Variants in ABCA1 observed in about 807,000 individuals in gnomAD.
ABCA1 encodes ATP binding cassette subfamily A member 1, also known as phospholipid-transporting ATPase ABCA1.
A neutral mutation model predicts 262.5 loss-of-function variants in ABCA1; 133 were observed. The observed-to-expected ratio is 0.51, with a 90% CI of 0.44 to 0.59. The LOEUF is 0.59. ABCA1 is among the 20% of genes least tolerant of loss of function. ABCA1 has a pLI of 0.00. For missense variants in ABCA1, 2,452 were observed against 2,777.5 expected (o/e 0.88, Z 2.63); for synonymous variants, 1,022 against 1,043.5 (o/e 0.98, Z 0.40).
intron 37 of ABCA1, 142 bp downstream of exon 37, chr9:104,798,279 C>CAA (rs2118883910): frequency 1.0e-6 from 1 of 986,040 alleles, no homozygotes; most frequent in Admixed American, 2.0e-5. Context: ...AAGTGATCAC[C>CAA]TGCCTCTGGC....
intron 29 of ABCA1, among the ~76,000 whole-genome samples, chr9:104,809,991 C>T (rs1831127880): frequency 6.6e-6 from 1 of 151,448 alleles, no homozygotes; most frequent in Non-Finnish European, 1.5e-5. Context: ...CTAGAAAGCA[C>T]AAAAATAACA....
At chr9:104,922,302 T>C (rs1240708753) in intron 1 of ABCA1, among the ~76,000 whole-genome samples, 1 of 152,184 alleles carries the variant, frequency 6.6e-6, no homozygotes, top group East Asian at 1.9e-4. Context: ...GGCAACTATT[T>C]TCAGGTGAAG....
At chr9:104,909,654 A>ACACACACACATACACG (rs770801372) in intron 1 of ABCA1, among the ~76,000 whole-genome samples, 43 of 146,618 alleles carry the variant, frequency 2.9e-4, no homozygotes, top group African/African-American at 1.1e-3. Context: ...ACACACACAC[A>ACACACACACATACACG]TTCACAGGAA....
chr9:104,842,805 C>T (rs1834501182), intron 8 of ABCA1, among the ~76,000 whole-genome samples: 1 of 152,146 alleles, frequency 6.6e-6, no homozygotes, highest in African/African-American at 2.4e-5. Context: ...CTCTAGATCA[C>T]ATCATGTCCC....
intron 2 of ABCA1, among the ~76,000 whole-genome samples, chr9:104,901,127 C>T (rs1302450427): frequency 6.6e-6 from 1 of 152,208 alleles, no homozygotes; most frequent in Non-Finnish European, 1.5e-5. Context: ...AGGATTCCTT[C>T]CCTGGCTAAG....
intron 20 of ABCA1, among the ~76,000 whole-genome samples, chr9:104,820,699 T>C (rs751509970): frequency 2.0e-5 from 3 of 152,116 alleles, no homozygotes; most frequent in Non-Finnish European, 2.9e-5. Context: ...AGGTCCATCA[T>C]ACCAGGGCCC....
chr9:104,921,981 C>T (rs984797155), intron 1 of ABCA1, among the ~76,000 whole-genome samples: 1 of 151,904 alleles, frequency 6.6e-6, no homozygotes, highest in East Asian at 1.9e-4. Context: ...AGGAGTGGAT[C>T]CAGAAGAGCT....
chr9:104,830,906 TG>T lies in ABCA1; in HGVS notation c.1892+18del, dbSNP rs1057185134. On this transcript the variant is annotated intron_variant, in intron 14 of 49. Transcript: ENST00000374736. ...CACAGTATAAACTGGTTAAAAACAG[TG>T]GCTTGCAGGTAACTTACATGTCATC... 6.2e-7 allele frequency: 1 copy of T among 1,613,232 alleles called. No individual in the cohort carries two copies. The highest frequency in any genetic ancestry group is 1.7e-5 in the Admixed American group (1 of 59,964).
At chr9:104,826,192 C>T (rs1832794626) in intron 16 of ABCA1, among the ~76,000 whole-genome samples, 1 of 152,176 alleles carries the variant, frequency 6.6e-6, no homozygotes, top group African/African-American at 2.4e-5. Context: ...ATCCTGTTCC[C>T]CCACACACAT....
intron 28 of ABCA1, among the ~76,000 whole-genome samples, chr9:104,812,328 T>G (rs551983259): frequency 9.4e-4 from 143 of 152,344 alleles, no homozygotes; most frequent in African/African-American, 3.3e-3. Context: ...TCATTTTTAT[T>G]TTCGTAACAA....
Position 104,810,901 on chromosome 9 carries a change from G to A in ABCA1, c.4074C>T (p.Val1358=), listed in dbSNP as rs1307525254. 3.7e-6 allele frequency: 6 copies of A among 1,614,210 alleles called. No homozygotes were observed. Among genetic ancestry groups the A allele is most frequent in the Middle Eastern group, 1.6e-4 (1 of 6,062 alleles). ...TCAGGCTGAACACAAGGGCAATGCA[G>A]ACAAACACAGCTGGCAAGACAATCT... is the stretch of plus-strand genomic sequence containing the variant. ...FAQIVLPAVF[V]CIALVFSLIV... Residue 1358 remains valine, a synonymous_variant, in exon 29 of 50, where the codon GTC becomes GTT. Transcript: ENST00000374736.
chr9:104,910,459 A>G (rs565538222), intron 1 of ABCA1, among the ~76,000 whole-genome samples: 62 of 152,312 alleles, frequency 4.1e-4, no homozygotes, highest in African/African-American at 1.4e-3. Flanking sequence ...GTTGTTCTGA[A>G]TGCATTTCTC....
rs552804640 is a variant in ABCA1, at chr9:104,858,428, T to C, written c.720+94A>G. The C allele has an allele frequency of 1.1e-5, 15 of 1,361,086 alleles. No individual in the cohort carries two copies. In the African/African-American group the frequency reaches 1.9e-4, roughly 17 times the overall value. The allele number at this position is 1,361,086 out of a possible 1,614,324, so 84.3% of individuals were successfully genotyped here. ...ATCACAAACTCCCAGCCAGCCGTAC[T>C]TTTCTACAAAACAAAGTCATGCTGT... On this transcript the variant is annotated intron_variant, in intron 7 of 49. Transcript: ENST00000374736.
intron 30 of ABCA1, 111 bp from the exon 31 acceptor site, chr9:104,806,541 C>T (rs375014389): frequency 2.1e-4 from 223 of 1,066,534 alleles, no homozygotes; most frequent in Middle Eastern, 2.1e-4. Context: ...TCTATTCCCT[C>T]ACCATTTGGA....
chr9:104,882,905 A>G (rs1199209625), intron 5 of ABCA1, 134 bp downstream of exon 5: 8 of 929,696 alleles, frequency 8.6e-6, no homozygotes, highest in Non-Finnish European at 1.4e-5. Context: ...GGGGCCCCAC[A>G]GGCCAGCCAC....
intron 10 of ABCA1, 35 bp from the exon 11 acceptor site, chr9:104,837,131 A>G: frequency 6.5e-7 from 1 of 1,529,270 alleles, no homozygotes. Context: ...ACCGCAGAAA[A>G]AGGAGGAGAA....
At chr9:104,813,934 T>A (rs1012364155) in intron 27 of ABCA1, among the ~76,000 whole-genome samples, 184 bp downstream of exon 27, 3 of 152,262 alleles carry the variant, frequency 2.0e-5, no homozygotes, top group Non-Finnish European at 4.4e-5. Context: ...ATAGGCTCTT[T>A]CAGGTTTGAT....
At chr9:104,796,870 T>G (rs928834788) in intron 37 of ABCA1, among the ~76,000 whole-genome samples, 6 of 152,354 alleles carry the variant, frequency 3.9e-5, no homozygotes, top group South Asian at 2.1e-4. Flanking sequence ...TCAGAATTGT[T>G]TCATCGCACT....
intron 2 of ABCA1, among the ~76,000 whole-genome samples, chr9:104,900,141 C>T (rs1840545783): frequency 6.6e-6 from 1 of 152,176 alleles, no homozygotes; most frequent in African/African-American, 2.4e-5. Context: ...GCAAGCACTG[C>T]CTTTCAACAG....
Sources: allele counts gnomAD v4.1 joint callset (sites outside exome capture counted in the v4.1 genomes callset), GRCh38; gene constraint gnomAD v4.1.1; transcripts MANE v1.5; gene names NCBI Gene and HGNC (gene_info 2026-07-23, HGNC 2026-07-21).